Variants in SLC35F4 observed in about 807,000 individuals in gnomAD.
SLC35F4 encodes chromosome 14 open reading frame 36.
Under a neutral mutation model 44.2 loss-of-function variants are expected in SLC35F4, and 24 were observed. That is an observed-to-expected ratio of 0.54 (90% CI 0.39 to 0.76). The LOEUF (loss-of-function observed/expected upper bound fraction) is 0.76, where lower values mean the gene tolerates loss of function less well. SLC35F4 is among the 30% of genes least tolerant of loss of function. The pLI is 0.00. For synonymous variants in SLC35F4, 238 were observed against 223.6 expected (o/e 1.06, Z -0.57); for missense variants, 562 against 586.1 (o/e 0.96, Z 0.42).
chr14:57,585,573 G>T (rs1448726183), intron 3 of SLC35F4, among the ~76,000 whole-genome samples: 2 of 152,140 alleles, frequency 1.3e-5, no homozygotes, highest in Non-Finnish European at 2.9e-5. Flanking sequence ...CAGATGACAT[G>T]ATTATCTATT....
intron 1 of SLC35F4, among the ~76,000 whole-genome samples, chr14:57,964,117 C>T (rs771965583): frequency 6.6e-5 from 10 of 152,130 alleles, no homozygotes; most frequent in African/African-American, 1.7e-4. Flanking sequence ...GTTCTCTTTA[C>T]TCAGAGGATA....
At chr14:57,785,907 G>C (rs2077745380) in intron 1 of SLC35F4, among the ~76,000 whole-genome samples, 1 of 152,158 alleles carries the variant, frequency 6.6e-6, no homozygotes, top group Non-Finnish European at 1.5e-5. Flanking sequence ...AATGGGGCAA[G>C]AAGCCTCCTG....
intron 1 of SLC35F4, among the ~76,000 whole-genome samples, chr14:57,862,042 A>G (rs1205466379): frequency 6.6e-6 from 1 of 152,112 alleles, no homozygotes; most frequent in East Asian, 1.9e-4. Flanking sequence ...TAGTATCTCT[A>G]AAACGTTATC....
At chr14:57,794,607 T>C (rs909192649) in intron 1 of SLC35F4, among the ~76,000 whole-genome samples, 2 of 152,138 alleles carry the variant, frequency 1.3e-5, no homozygotes, top group South Asian at 2.1e-4. Context: ...TCTTTTATAG[T>C]AGCCTTGACT....
intron 1 of SLC35F4, among the ~76,000 whole-genome samples, chr14:57,863,647 C>T (rs934662609): frequency 6.6e-6 from 1 of 152,168 alleles, no homozygotes; most frequent in Non-Finnish European, 1.5e-5. Context: ...CTAGTTGAAG[C>T]CTGCATTAGG....
At chr14:57,718,665 C>A (rs1200352102) in intron 1 of SLC35F4, among the ~76,000 whole-genome samples, 4 of 152,288 alleles carry the variant, frequency 2.6e-5, no homozygotes, top group African/African-American at 9.6e-5. Flanking sequence ...CTATTCAAAT[C>A]TTTTGCCCAT....
At chr14:57,611,599 CA>C (rs1002099620) in intron 1 of SLC35F4, among the ~76,000 whole-genome samples, 3 of 124,536 alleles carry the variant, frequency 2.4e-5, no homozygotes, top group African/African-American at 8.9e-5. Flanking sequence ...AAAAAAAAAA[CA>C]AAAAAAAGAG....
chr14:57,915,381 C>T (rs1889303095), intron 1 of SLC35F4, among the ~76,000 whole-genome samples: 1 of 152,188 alleles, frequency 6.6e-6, no homozygotes, highest in Non-Finnish European at 1.5e-5. Flanking sequence ...CACTTGGCCA[C>T]ACCCTTAATT....
At chr14:57,741,162 A>C (rs1332916991) in intron 1 of SLC35F4, among the ~76,000 whole-genome samples, 2 of 152,200 alleles carry the variant, frequency 1.3e-5, no homozygotes, top group East Asian at 3.8e-4. Flanking sequence ...AAATTCTAAA[A>C]ATCAGAGCGC....
chr14:57,878,768 C>G (rs1888455995), intron 1 of SLC35F4, among the ~76,000 whole-genome samples: 1 of 152,052 alleles, frequency 6.6e-6, no homozygotes, highest in Non-Finnish European at 1.5e-5. Context: ...TTCCCAACAT[C>G]TAGTATAGTG....
chr14:57,925,512 AG>A (rs1354663346), intron 1 of SLC35F4, among the ~76,000 whole-genome samples: 5 of 24,264 alleles, frequency 2.1e-4, no homozygotes, highest in Admixed American at 5.5e-4. Context: ...GGAGGGAGGG[AG>A]GGAGGGAGGG....
chr14:57,799,466 T>C (rs1426189956), intron 1 of SLC35F4: 1 of 152,348 alleles, frequency 6.6e-6, no homozygotes, highest in Non-Finnish European at 1.5e-5. Flanking sequence ...TACATATCCC[T>C]AGGAAGGGGG....
intron 1 of SLC35F4, among the ~76,000 whole-genome samples, chr14:57,727,517 TA>T (rs757259358): frequency 1.3e-5 from 2 of 151,774 alleles, no homozygotes; most frequent in Non-Finnish European, 2.9e-5. Flanking sequence ...TTTTTTAACA[TA>T]GGCACTTATA....
chr14:57,669,557 T>A (rs1174387137), intron 1 of SLC35F4, among the ~76,000 whole-genome samples: 4 of 152,146 alleles, frequency 2.6e-5, no homozygotes, highest in Non-Finnish European at 4.4e-5. Context: ...TTGAATTTTG[T>A]CAAAGGCCTT....
At chr14:57,949,582 A>G (rs1446396098) in intron 1 of SLC35F4, among the ~76,000 whole-genome samples, 1 of 152,094 alleles carries the variant, frequency 6.6e-6, no homozygotes, top group Non-Finnish European at 1.5e-5. Context: ...TGTTGCCTAA[A>G]TACCATGTTT....
Position 57,617,685 on chromosome 14 carries a change from G to C in SLC35F4, c.104-23561C>G, listed in dbSNP as rs1448331879. On this transcript the variant is annotated intron_variant, in intron 1 of 7. Transcript: ENST00000556826. The stretch of plus-strand genomic sequence containing the variant: ...TTGCAATAGTATGGATAAGCAGTGT[G>C]CTAGGAGGGGTAGAGTGGGTCTGTA... Among the ~76,000 whole-genome samples, 3 of 152,160 alleles carry C rather than the reference G, an allele frequency of 2.0e-5. 1 individual carries two copies. Among genetic ancestry groups the C allele is most frequent in the Non-Finnish European group, 4.4e-5 (3 of 68,016 alleles).
At chr14:57,957,725 G>T (rs1195151275) in intron 1 of SLC35F4, among the ~76,000 whole-genome samples, 2 of 152,174 alleles carry the variant, frequency 1.3e-5, no homozygotes, top group African/African-American at 2.4e-5. Context: ...CGGCTCTAGG[G>T]TCAGTTAGAT....
At chr14:57,789,968 G>T (rs186098332) in intron 1 of SLC35F4, among the ~76,000 whole-genome samples, 117 of 152,128 alleles carry the variant, frequency 7.7e-4, no homozygotes, top group Admixed American at 4.1e-3. Flanking sequence ...AAACACTCAA[G>T]AAACTAGGTA....
At chr14:57,815,981 C>A (rs1458942184) in intron 1 of SLC35F4, among the ~76,000 whole-genome samples, 1 of 152,140 alleles carries the variant, frequency 6.6e-6, no homozygotes, top group Non-Finnish European at 1.5e-5. Context: ...GATAAAGAAG[C>A]AAATAGAGAG....
Sources: gnomAD v4.1 joint callset for allele counts (sites outside exome capture counted in the v4.1 genomes callset) on GRCh38, gnomAD v4.1.1 for gene constraint, MANE v1.5 for transcripts, NCBI Gene and HGNC (gene_info 2026-07-23, HGNC 2026-07-21) for gene names.